RALYL: variants seen among roughly 807,000 people sequenced by gnomAD.
RALYL encodes the protein RNA-binding Raly-like protein.
Under a neutral mutation model 35.1 loss-of-function variants are expected in RALYL, and 29 were observed. The observed-to-expected ratio is 0.83, with a 90% CI of 0.61 to 1.13. The LOEUF is 1.13. RALYL is among the 50% of genes most tolerant of loss of function. The pLI is 0.00. For synonymous variants in RALYL, 120 were observed against 127.6 expected (o/e 0.94, Z 0.40); for missense variants, 359 against 360.4 (o/e 1.00, Z 0.03).
At chr8:84,334,239 C>T (rs548630462) in intron 1 of RALYL, among the ~76,000 whole-genome samples, 27 of 152,124 alleles carry the variant, frequency 1.8e-4, no homozygotes, top group African/African-American at 6.0e-4. Flanking sequence ...TTTTATCTCA[C>T]CATATTCAGT....
At chr8:84,463,947 C>T (rs182148958) in intron 1 of RALYL, among the ~76,000 whole-genome samples, 2 of 151,884 alleles carry the variant, frequency 1.3e-5, no homozygotes, top group African/African-American at 2.4e-5. Flanking sequence ...CCTATAGTTT[C>T]GCCTTTTCTA....
chr8:84,659,688 A>C (rs1830556708), intron 2 of RALYL, among the ~76,000 whole-genome samples: 1 of 152,216 alleles, frequency 6.6e-6, no homozygotes, highest in Admixed American at 6.5e-5. Flanking sequence ...GCTAGAAAGG[A>C]AATATGATCA....
chr8:84,457,516 T>C (rs998647012), intron 1 of RALYL, among the ~76,000 whole-genome samples: 1 of 151,956 alleles, frequency 6.6e-6, no homozygotes, highest in African/African-American at 2.4e-5. Flanking sequence ...AGGGACATAT[T>C]AATGTTTCAC....
chr8:84,573,114 C>A (rs183405510), intron 2 of RALYL, among the ~76,000 whole-genome samples: 344 of 151,250 alleles, frequency 2.3e-3, no homozygotes, highest in African/African-American at 8.1e-3. Flanking sequence ...ATATTATTAA[C>A]ACAATATATA....
chr8:84,426,438 CTGTG>C (rs71271987), intron 1 of RALYL, among the ~76,000 whole-genome samples: 86 of 136,106 alleles, frequency 6.3e-4, no homozygotes, highest in South Asian at 3.5e-3. Flanking sequence ...CTCTCTCTCT[CTGTG>C]TGTGTGTGTG....
Position 84,421,944 on chromosome 8 carries a change from G to T in RALYL, c.-23-107355G>T, listed in dbSNP as rs866895012. Reference sequence around the variant, plus strand: ...GCTTTTTGATGTGCTGCTGGATTCGGTTTGCCAGTATTTTATTGAGGATTT... The same window carrying T: ...GCTTTTTGATGTGCTGCTGGATTCGTTTTGCCAGTATTTTATTGAGGATTT... On this transcript the variant is annotated intron_variant, in intron 1 of 8. Coordinates refer to ENST00000521268, the MANE Select transcript of RALYL (RefSeq NM_173848.7). Among the ~76,000 whole-genome samples, 118 of 151,878 alleles carry T rather than the reference G, an allele frequency of 7.8e-4. 2 individuals are homozygous for T. In the South Asian group the frequency reaches 0.015, roughly 19 times the overall value.
intron 2 of RALYL, among the ~76,000 whole-genome samples, chr8:84,624,435 T>C (rs1179923518): frequency 1.3e-5 from 2 of 152,198 alleles, no homozygotes; most frequent in Non-Finnish European, 2.9e-5. Context: ...CCATGCACAT[T>C]CCTTGGCGCA....
intron 4 of RALYL, among the ~76,000 whole-genome samples, chr8:84,845,698 G>A (rs1834492342): frequency 6.6e-6 from 1 of 152,016 alleles, no homozygotes; most frequent in Non-Finnish European, 1.5e-5. Flanking sequence ...TTTTGATTTT[G>A]TTGCAATAGC....
chr8:84,535,073 A>G (rs972722609), intron 2 of RALYL, among the ~76,000 whole-genome samples: 2 of 152,160 alleles, frequency 1.3e-5, no homozygotes, highest in South Asian at 2.1e-4. Flanking sequence ...ATAGCTGGAT[A>G]TTTGCATGGC....
intron 1 of RALYL, among the ~76,000 whole-genome samples, chr8:84,242,879 A>C (rs1242385928): frequency 1.3e-5 from 2 of 152,060 alleles, no homozygotes; most frequent in Non-Finnish European, 2.9e-5. Flanking sequence ...CTCTTGTTAC[A>C]ATTGCTTTTG....
chr8:84,665,244 T>A (rs1057090049), intron 2 of RALYL, among the ~76,000 whole-genome samples: 1 of 152,138 alleles, frequency 6.6e-6, no homozygotes, highest in African/African-American at 2.4e-5. Context: ...GATTTTTGCA[T>A]TGATCTTCAT....
intron 1 of RALYL, among the ~76,000 whole-genome samples, chr8:84,442,475 G>C (rs984506624): frequency 2.0e-5 from 3 of 151,962 alleles, no homozygotes; most frequent in African/African-American, 7.3e-5. Context: ...TTCTACATGG[G>C]AGGAACTATG....
At chr8:84,199,238 G>A (rs538480724) in intron 1 of RALYL, among the ~76,000 whole-genome samples, 1 of 152,220 alleles carries the variant, frequency 6.6e-6, no homozygotes, top group Non-Finnish European at 1.5e-5. Context: ...GCATTTCTCT[G>A]TGCATTACTC....
chr8:84,696,627 A>C (rs1224659391), intron 2 of RALYL, among the ~76,000 whole-genome samples: 3 of 151,966 alleles, frequency 2.0e-5, no homozygotes, highest in Non-Finnish European at 4.4e-5. Flanking sequence ...AAATAATACA[A>C]GATTTTGTGT....
At chr8:84,433,538 G>A (rs1170034182) in intron 1 of RALYL, among the ~76,000 whole-genome samples, 1 of 152,016 alleles carries the variant, frequency 6.6e-6, no homozygotes, top group Non-Finnish European at 1.5e-5. Context: ...GGAGGTGATT[G>A]AATCATGGGG....
chr8:84,918,421 A>G (rs1848808971), intron 8 of RALYL, among the ~76,000 whole-genome samples: 1 of 152,068 alleles, frequency 6.6e-6, no homozygotes, highest in African/African-American at 2.4e-5. Flanking sequence ...CCATCCGAGT[A>G]GATCTCTTTG....
intron 2 of RALYL, among the ~76,000 whole-genome samples, chr8:84,541,557 G>A (rs910420788): frequency 1.3e-5 from 2 of 151,726 alleles, no homozygotes; most frequent in East Asian, 1.9e-4. Flanking sequence ...TGTTGTTCTG[G>A]GTATCCTTCT....
At chr8:84,497,618 GT>G (rs1314490631) in intron 1 of RALYL, among the ~76,000 whole-genome samples, 3 of 128,146 alleles carry the variant, frequency 2.3e-5, no homozygotes, top group Non-Finnish European at 3.4e-5. Flanking sequence ...TTAAGGTTTT[GT>G]TTTTTTTGTT....
chr8:84,764,748 T>C (rs1301072220), intron 2 of RALYL, among the ~76,000 whole-genome samples: 1 of 152,222 alleles, frequency 6.6e-6, no homozygotes, highest in Non-Finnish European at 1.5e-5. Context: ...TGGTCACAAT[T>C]CAGTGACTGC....
Sources: allele counts gnomAD v4.1 joint callset (sites outside exome capture counted in the v4.1 genomes callset), GRCh38; gene constraint gnomAD v4.1.1; transcripts MANE v1.5; gene names NCBI Gene and HGNC (gene_info 2026-07-23, HGNC 2026-07-21).